Variants in RPS6KC1 observed in about 807,000 individuals in gnomAD.
RPS6KC1 encodes the protein ribosomal protein S6 kinase C1.
Under a neutral mutation model 103.8 loss-of-function variants are expected in RPS6KC1, and 54 were observed. The ratio of observed to expected loss-of-function variants is 0.52; its 90% CI spans 0.42 to 0.65. The LOEUF is 0.65. Among genes scored for constraint, RPS6KC1 ranks in the 30% least tolerant of loss-of-function variants. RPS6KC1 has a pLI of 0.00. For missense variants in RPS6KC1, 1,151 were observed against 1,253.8 expected, an observed-to-expected ratio of 0.92 and a Z score of 1.24; for synonymous variants, 439 against 438.7, an observed-to-expected ratio of 1.00 and a Z score of -0.01.
the RPS6KC1 span, among the ~76,000 whole-genome samples, chr1:213,293,335 G>A: frequency 6.6e-6 from 1 of 151,872 alleles, no homozygotes; most frequent in African/African-American, 2.4e-5. Flanking sequence ...CTATAATAAT[G>A]ACAAACATAT....
chr1:213,361,141 GC>G, the RPS6KC1 span, among the ~76,000 whole-genome samples: 1 of 152,206 alleles, frequency 6.6e-6, no homozygotes, highest in African/African-American at 2.4e-5. Flanking sequence ...GTTCAGCTAT[GC>G]CCTGCCCCCA....
chr1:213,353,827 G>C, the RPS6KC1 span, among the ~76,000 whole-genome samples: 6 of 152,202 alleles, frequency 3.9e-5, no homozygotes, highest in Admixed American at 3.9e-4. Context: ...GGGACAGAAA[G>C]AAATGTTATG....
At chr1:213,703,592 A>G in the RPS6KC1 span, among the ~76,000 whole-genome samples, 1 of 152,018 alleles carries the variant, frequency 6.6e-6, no homozygotes, top group Non-Finnish European at 1.5e-5. Flanking sequence ...TTTCTCCTTC[A>G]TGTTTGAAGG....
At chr1:213,327,075 T>C in the RPS6KC1 span, among the ~76,000 whole-genome samples, 4 of 150,842 alleles carry the variant, frequency 2.7e-5, no homozygotes, top group African/African-American at 9.7e-5. Flanking sequence ...TTTGAGAAGA[T>C]GGTCAAGTTG....
At chr1:213,189,490 A>G (rs1276581394) in intron 8 of RPS6KC1, among the ~76,000 whole-genome samples, 3 of 150,070 alleles carry the variant, frequency 2.0e-5, no homozygotes, top group African/African-American at 7.4e-5. Context: ...ACATATCCTC[A>G]CACTTCTTAA....
intron 10 of RPS6KC1, among the ~76,000 whole-genome samples, chr1:213,233,051 A>G (rs866287325): frequency 1.3e-5 from 2 of 152,216 alleles, no homozygotes; most frequent in Non-Finnish European, 2.9e-5. Context: ...GTACTTTACT[A>G]ATAGGCATAA....
At chr1:213,833,897 C>T in the RPS6KC1 span, among the ~76,000 whole-genome samples, 2 of 152,188 alleles carry the variant, frequency 1.3e-5, no homozygotes, top group African/African-American at 4.8e-5. Flanking sequence ...TACCACAGAA[C>T]TTATCTTTGA....
the RPS6KC1 span, among the ~76,000 whole-genome samples, chr1:213,402,075 G>A: frequency 1.3e-5 from 2 of 149,174 alleles, no homozygotes; most frequent in African/African-American, 2.4e-5. Context: ...TGGCCTGAGT[G>A]TATTTTTAAA....
chr1:213,557,882 GA>G, the RPS6KC1 span, among the ~76,000 whole-genome samples: 2 of 152,140 alleles, frequency 1.3e-5, no homozygotes, highest in Non-Finnish European at 2.9e-5. Context: ...TAAGTAAAAG[GA>G]ATTGTTTCTC....
chr1:213,781,046 A>G, the RPS6KC1 span, among the ~76,000 whole-genome samples: 1 of 152,080 alleles, frequency 6.6e-6, no homozygotes, highest in African/African-American at 2.4e-5. Flanking sequence ...AACAACAAAC[A>G]AACAAAAAAT....
the RPS6KC1 span, among the ~76,000 whole-genome samples, chr1:213,846,314 A>G: frequency 6.6e-6 from 1 of 151,830 alleles, no homozygotes; most frequent in Admixed American, 6.6e-5. Context: ...AAAAAGAAAG[A>G]AAAAGAAAAA....
chr1:213,143,403 A>G (rs2087318794), intron 6 of RPS6KC1, among the ~76,000 whole-genome samples: 1 of 151,780 alleles, frequency 6.6e-6, no homozygotes, highest in African/African-American at 2.4e-5. Context: ...TTAATGTTCA[A>G]AAGAATTAAC....
At chr1:213,320,968 C>G in the RPS6KC1 span, among the ~76,000 whole-genome samples, 1 of 152,166 alleles carries the variant, frequency 6.6e-6, no homozygotes, top group Non-Finnish European at 1.5e-5. Context: ...AGGCCCCTGA[C>G]GGTGTGGGTA....
the RPS6KC1 span, among the ~76,000 whole-genome samples, chr1:213,744,184 G>A: frequency 6.6e-6 from 1 of 152,098 alleles, no homozygotes; most frequent in Admixed American, 6.5e-5. Flanking sequence ...AGTGTACACT[G>A]CTCGGGTGAT....
At chr1:213,064,097 C>T (rs1230126452) in intron 1 of RPS6KC1, among the ~76,000 whole-genome samples, 1 of 152,136 alleles carries the variant, frequency 6.6e-6, no homozygotes, top group Non-Finnish European at 1.5e-5. Context: ...CACTTGGTCA[C>T]CCAGGCTGGA....
the RPS6KC1 span, among the ~76,000 whole-genome samples, chr1:213,565,959 CAAA>C: frequency 1.6e-5 from 1 of 64,400 alleles, no homozygotes. Context: ...AACTCCATCT[CAAA>C]AAAAAAAAAA....
chr1:213,598,981 G>A, the RPS6KC1 span, among the ~76,000 whole-genome samples: 35 of 152,004 alleles, frequency 2.3e-4, no homozygotes, highest in African/African-American at 8.0e-4. Context: ...TACATTTCAT[G>A]CCAAAACAGA....
At chr1:213,554,309 T>C in the RPS6KC1 span, among the ~76,000 whole-genome samples, 1 of 152,102 alleles carries the variant, frequency 6.6e-6, no homozygotes, top group Non-Finnish European at 1.5e-5. Context: ...GTTATTGTCT[T>C]GTTGAAGATC....
chr1:213,330,865 T>A, the RPS6KC1 span, among the ~76,000 whole-genome samples: 1 of 152,180 alleles, frequency 6.6e-6, no homozygotes, highest in South Asian at 2.1e-4. Flanking sequence ...GGAGAACTTT[T>A]CATGGCACTG....
Sources: allele counts gnomAD v4.1 joint callset (sites outside exome capture counted in the v4.1 genomes callset), GRCh38; gene constraint gnomAD v4.1.1; transcripts MANE v1.5; gene names NCBI Gene and HGNC (gene_info 2026-07-23, HGNC 2026-07-21).